Variants in SLC30A4 observed in about 807,000 individuals in gnomAD.
The protein encoded by SLC30A4 is probable proton-coupled zinc antiporter SLC30A4.
Under a neutral mutation model 41.7 loss-of-function variants are expected in SLC30A4, and 20 were observed. That is an observed-to-expected ratio of 0.48 (90% CI 0.34 to 0.70). The LOEUF (loss-of-function observed/expected upper bound fraction) is 0.70, where lower values mean the gene tolerates loss of function less well. SLC30A4 is among the 30% of genes least tolerant of loss of function. The pLI is 0.01. For missense variants in SLC30A4, 441 were observed against 529.3 expected (o/e 0.83, Z 1.64); for synonymous variants, 181 against 195.9 (o/e 0.92, Z 0.64).
intron 3 of SLC30A4, among the ~76,000 whole-genome samples, chr15:45,501,527 G>A (rs1892034472): frequency 6.6e-6 from 1 of 152,132 alleles, no homozygotes; most frequent in Admixed American, 6.5e-5. Flanking sequence ...TTTAGACAGA[G>A]TCTTGCTCTG....
At chr15:45,512,048 A>G (rs1375031337) in intron 2 of SLC30A4, among the ~76,000 whole-genome samples, 1 of 152,254 alleles carries the variant, frequency 6.6e-6, no homozygotes, top group Non-Finnish European at 1.5e-5. Flanking sequence ...GATATAAAAT[A>G]TGTAAAAATT....
At chr15:45,494,526 AG>A (rs1245973900) in intron 3 of SLC30A4, among the ~76,000 whole-genome samples, 1 of 152,094 alleles carries the variant, frequency 6.6e-6, no homozygotes, top group Non-Finnish European at 1.5e-5. Context: ...CTCTACTAAA[AG>A]TACAAAAATT....
At chr15:45,509,426 G>C (rs925397254) in intron 3 of SLC30A4, among the ~76,000 whole-genome samples, 1 of 151,906 alleles carries the variant, frequency 6.6e-6, no homozygotes, top group Admixed American at 6.6e-5. Flanking sequence ...GCTAATTTCT[G>C]TATTTTTAGT....
chr15:45,500,448 C>T (rs1333151240), intron 3 of SLC30A4, among the ~76,000 whole-genome samples: 7 of 152,102 alleles, frequency 4.6e-5, no homozygotes, highest in Non-Finnish European at 7.4e-5. Context: ...GATTTAGCCA[C>T]GAAGTTCTAA....
Position 45,479,756 on chromosome 15 carries a change from C to T in SLC30A4, c.*5407G>A, listed in dbSNP as rs1355273856. 1.3e-5 allele frequency: 2 copies of T among 151,646 alleles called. No individual in the cohort carries two copies. The highest frequency in any genetic ancestry group is 2.9e-5 in the Non-Finnish European group (2 of 67,930). 9.4% of individuals were successfully genotyped at this position (151,646 alleles called of 1,614,324 possible). A position where few individuals can be genotyped will look rare whatever the true frequency, so the allele number is the denominator to read the frequency against. On this transcript the variant is annotated 3_prime_UTR_variant, in exon 8 of 8. Transcript: ENST00000261867. ...AAGAGCAGATATTTAAGAGACTGTA[C>T]ATTTTTATTTAATAAACCACATGGC...
At chr15:45,502,897 G>C (rs988767160) in intron 3 of SLC30A4, 1 of 151,912 alleles carries the variant, frequency 6.6e-6, no homozygotes, top group Admixed American at 6.6e-5. Context: ...TGGAGGCTGC[G>C]AGGGTAAGAT....
In SLC30A4 at chr15:45,500,374, G is replaced by A. The variant is rs149216407; in HGVS notation, c.539-9493C>T. ...TAGTTTACAGAAGAAGAAACTTCTA[G>A]TTCAAGAGAGTAACTTACTCTCCAA... On this transcript the variant is annotated intron_variant, in intron 3 of 7. Coordinates refer to ENST00000261867, the MANE Select transcript of SLC30A4 (RefSeq NM_013309.6). Among the ~76,000 whole-genome samples, 289 of 152,284 alleles carry A rather than the reference G, an allele frequency of 1.9e-3. 1 individual carries two copies. Among genetic ancestry groups the A allele is most frequent in the African/African-American group, 6.4e-3 (267 of 41,546 alleles).
Position 45,481,484 on chromosome 15 carries a change from ACT to A in SLC30A4, c.*3677_*3678del, listed in dbSNP as rs1891601297. On this transcript the variant is annotated 3_prime_UTR_variant, in exon 8 of 8. Transcript: ENST00000261867. The stretch of plus-strand genomic sequence containing the variant: ...AAACACACGTTTATGTACACAAGTA[ACT>A]CTGATTATTTGCAAATACTAATTAA... The A allele has an allele frequency of 6.6e-6, 1 of 152,206 alleles. No homozygotes were observed. The highest frequency in any genetic ancestry group is 1.5e-5 in the Non-Finnish European group (1 of 68,032). 9.4% of individuals were successfully genotyped at this position (152,206 alleles called of 1,614,324 possible).
At chr15:45,512,242 G>A (rs1892318822) in intron 2 of SLC30A4, 1 of 152,134 alleles carries the variant, frequency 6.6e-6, no homozygotes. Context: ...GCTTTTATGT[G>A]TATCAGAATC....
chr15:45,497,430 C>T (rs916824230), intron 3 of SLC30A4: 1 of 152,116 alleles, frequency 6.6e-6, no homozygotes, highest in Non-Finnish European at 1.5e-5. Context: ...TTAAATCACT[C>T]CACTTGGCTG....
Position 45,522,340 on chromosome 15 carries a change from G to A in SLC30A4, c.15C>T (p.Gly5=), listed in dbSNP as rs1220426353. 4 of 1,609,358 alleles carry A rather than the reference G, an allele frequency of 2.5e-6. No individual in the cohort carries two copies. Among genetic ancestry groups the A allele is most frequent in the Non-Finnish European group, 3.4e-6 (4 of 1,178,264 alleles). Residue 5 remains glycine (G), a synonymous_variant, in exon 2 of 8, where the codon GGC becomes GGT. Coordinates refer to ENST00000261867, the MANE Select transcript of SLC30A4 (RefSeq NM_013309.6). ...GCATAGATTTGAGGCGCTTCCACGCGCCAGAGCCGGCCATGGCAGAGGCTG... is the reference window on the plus strand; with the variant it reads ...GCATAGATTTGAGGCGCTTCCACGCACCAGAGCCGGCCATGGCAGAGGCTG... MAGS[G]AWKRLKSMLR...
At chr15:45,518,571 T>C (rs1050408097) in intron 2 of SLC30A4, among the ~76,000 whole-genome samples, 9 of 144,376 alleles carry the variant, frequency 6.2e-5, no homozygotes, top group Non-Finnish European at 1.0e-4. Flanking sequence ...TCATTTTTTT[T>C]CCCTTCTTTT....
In SLC30A4 at chr15:45,483,235, G is replaced by C. The variant is rs990587743; in HGVS notation, c.*1928C>G. On this transcript the variant is annotated 3_prime_UTR_variant, in exon 8 of 8. Transcript: ENST00000261867. ...TTACTTATAGTAAGGTACTTGGTAAGAAGATAAAATGTTTCCTATTCTTCA... is the reference window on the plus strand; with the variant it reads ...TTACTTATAGTAAGGTACTTGGTAACAAGATAAAATGTTTCCTATTCTTCA... 1 of 152,174 alleles carries C rather than the reference G, an allele frequency of 6.6e-6. No homozygotes were observed. Among genetic ancestry groups the C allele is most frequent in the Non-Finnish European group, 1.5e-5 (1 of 68,026 alleles). The allele number at this position is 152,174 out of a possible 1,614,324, so 9.4% of individuals were successfully genotyped here. A position where few individuals can be genotyped will look rare whatever the true frequency, so the allele number is the denominator to read the frequency against.
At chr15:45,513,381 TC>T (rs1333804794) in intron 2 of SLC30A4, among the ~76,000 whole-genome samples, 1 of 150,788 alleles carries the variant, frequency 6.6e-6, no homozygotes, top group East Asian at 2.0e-4. Flanking sequence ...AATCTTTTTA[TC>T]TTTTTTTTTT....
chr15:45,493,392 T>C (rs918719612), intron 3 of SLC30A4, among the ~76,000 whole-genome samples: 1 of 152,202 alleles, frequency 6.6e-6, no homozygotes, highest in African/African-American at 2.4e-5. Context: ...GGAAAACTGT[T>C]ATGTGGAACA....
At position 45,489,085 on chromosome 15, in the gene SLC30A4, G is replaced by A. The variant is rs139290974; in HGVS notation, c.693-43C>T. On this transcript the variant is annotated intron_variant, in intron 4 of 7. Transcript: ENST00000261867. ...AAACATTATTATTTTTCCCAATATT[G>A]ACAAAAACATTTGTCACTAGTCAGA... is the stretch of plus-strand genomic sequence containing the variant. The A allele has an allele frequency of 1.4e-4, 199 of 1,437,016 alleles. No individual in the cohort carries two copies. In the African/African-American group the frequency reaches 2.5e-3, roughly 18 times the overall value. The allele number at this position is 1,437,016 out of a possible 1,614,324, so 89.0% of individuals were successfully genotyped here.
At chr15:45,499,892 T>C (rs1891985750) in intron 3 of SLC30A4, among the ~76,000 whole-genome samples, 1 of 152,170 alleles carries the variant, frequency 6.6e-6, no homozygotes, top group Admixed American at 6.5e-5. Context: ...CAATCTATGG[T>C]CTCACATGAA....
intron 3 of SLC30A4, among the ~76,000 whole-genome samples, chr15:45,507,330 A>G (rs964667321): frequency 6.0e-5 from 9 of 149,458 alleles, no homozygotes; most frequent in Non-Finnish European, 1.2e-4. Flanking sequence ...AAAAATAAAT[A>G]AATAAATAAA....
At chr15:45,507,080 G>A (rs1486336441) in intron 3 of SLC30A4, among the ~76,000 whole-genome samples, 1 of 152,110 alleles carries the variant, frequency 6.6e-6, no homozygotes, top group Non-Finnish European at 1.5e-5. Flanking sequence ...CCAGCACTTT[G>A]GGAGGCCGAG....
Sources: gnomAD v4.1 joint callset for allele counts (sites outside exome capture counted in the v4.1 genomes callset) on GRCh38, gnomAD v4.1.1 for gene constraint, MANE v1.5 for transcripts, NCBI Gene and HGNC (gene_info 2026-07-23, HGNC 2026-07-21) for gene names.